Variants in INTS2 observed in about 807,000 individuals in gnomAD.
The protein encoded by INTS2 is integrator complex subunit 2, also known as KIAA1287.
INTS2 carries 57 observed loss-of-function variants against 139.6 expected under a neutral mutation model. The ratio of observed to expected loss-of-function variants is 0.41; its 90% CI spans 0.33 to 0.51. The LOEUF is 0.51. INTS2 is among the 20% of genes least tolerant of loss of function. INTS2 has a pLI of 0.28. For missense variants in INTS2, 1,196 were observed against 1,436.7 expected (o/e 0.83, Z 2.71); for synonymous variants, 473 against 493.4 (o/e 0.96, Z 0.55).
chr17:61,899,999 C>T (rs1001215730), intron 9 of INTS2, among the ~76,000 whole-genome samples: 2 of 151,634 alleles, frequency 1.3e-5, no homozygotes, highest in Non-Finnish European at 1.5e-5. Flanking sequence ...AGAAAGAATT[C>T]ATGTACCTAA....
rs1228657807 is a variant in INTS2, at chr17:61,921,748, T to A, written c.512A>T (p.Asp171Val). ...ACCTGCTTGTAAAATACAAAGTACA[T>A]CTGCAGCTTCCTCCAAATATACTGG... ...ESPVYLEEAA[D>V]VLCILQAELP... Residue 171 changes from aspartate (D) to valine (V), a missense_variant, in exon 4 of 25, where the codon GAT becomes GTT. By Grantham distance (152) the Asp-to-Val change is radical. This residue lies in a region of INTS2 where 1,129 missense variants were observed against 1,341.9 expected (regional missense o/e 0.84). Coordinates refer to ENST00000251334, the MANE Select transcript of INTS2 (RefSeq NM_001351695.2). 1 of 1,598,894 alleles carries A rather than the reference T, an allele frequency of 6.3e-7. No individual in the cohort carries two copies. The highest frequency in any genetic ancestry group is 1.1e-5 in the South Asian group (1 of 88,794).
intron 8 of INTS2, 80 bp from the exon 9 acceptor site, chr17:61,904,665 C>A: frequency 8.1e-7 from 1 of 1,240,564 alleles, no homozygotes; most frequent in Non-Finnish European, 1.1e-6. Context: ...CTTTTAGTTA[C>A]AAATTTTAAA....
chr17:61,893,624 G>C lies in INTS2; in HGVS notation c.1698+141C>G. 2.2e-6 allele frequency: 1 copy of C among 452,392 alleles called. No homozygotes were observed. Among genetic ancestry groups the C allele is most frequent in the Non-Finnish European group, 3.5e-6 (1 of 286,820 alleles). The allele number at this position is 452,392 out of a possible 1,614,324, so 28.0% of individuals were successfully genotyped here. Reference sequence around the variant, plus strand: ...GCAGGAGAATCACTTTAACCCAGGAGGCAGAGGTTACAGTGAGCCAAGACT... The same window carrying C: ...GCAGGAGAATCACTTTAACCCAGGACGCAGAGGTTACAGTGAGCCAAGACT... On this transcript the variant is annotated intron_variant, in intron 13 of 24. Coordinates refer to ENST00000251334, the MANE Select transcript of INTS2 (RefSeq NM_001351695.2). The surrounding 1 kb of genome is among the most constrained non-coding windows in gnomAD (Gnocchi z 5.4).
rs1043823713 is a variant in INTS2, at chr17:61,913,090, A to G, written c.650-1020T>C. On this transcript the variant is annotated intron_variant, in intron 5 of 24. Transcript: ENST00000251334. ...GACTCCATCTCCAAAAAAGAGAAAA[A>G]GTAACTAGAGCAGAGGATAGGCGCA... 4.6e-5 allele frequency among the ~76,000 whole-genome samples: 7 copies of G among 151,868 alleles called. No individual in the cohort carries two copies. In the East Asian group the frequency reaches 9.7e-4, roughly 21 times the overall value.
At chr17:61,885,836 C>G (rs2079222986) in intron 15 of INTS2, among the ~76,000 whole-genome samples, 1 of 146,376 alleles carries the variant, frequency 6.8e-6, no homozygotes, top group Non-Finnish European at 1.5e-5. Context: ...TCAAGTGATT[C>G]TCCTGCCTCA....
intron 7 of INTS2, among the ~76,000 whole-genome samples, chr17:61,908,373 C>A (rs1272740788): frequency 3.9e-5 from 6 of 152,132 alleles, no homozygotes; most frequent in Non-Finnish European, 5.9e-5. Context: ...CAAGATGGCG[C>A]CACTGCACTC....
chr17:61,889,657 G>A (rs1479011498), intron 15 of INTS2, 129 bp downstream of exon 15: 9 of 559,454 alleles, frequency 1.6e-5, no homozygotes, highest in Non-Finnish European at 2.9e-5. Context: ...TGCCCACATT[G>A]CAAAGATTAT....
At chr17:61,914,068 A>G (rs1567914894) in intron 5 of INTS2, among the ~76,000 whole-genome samples, 1 of 151,660 alleles carries the variant, frequency 6.6e-6, no homozygotes, top group Non-Finnish European at 1.5e-5. Context: ...CAGTCTAAAC[A>G]CTCCAATTAA....
Position 61,891,697 on chromosome 17 carries a change from A to C in INTS2, c.1699-8T>G. The C allele has an allele frequency of 6.3e-7, 1 of 1,595,658 alleles. No homozygotes were observed. The highest frequency in any genetic ancestry group is 2.2e-5 in the East Asian group (1 of 44,674). Reference sequence around the variant, plus strand: ...CTGTCTATAAATCCAATCCTAAGAAAGAATGTTATAGACACTGAATTAATT... The same window carrying C: ...CTGTCTATAAATCCAATCCTAAGAACGAATGTTATAGACACTGAATTAATT... On this transcript the variant is annotated splice_polypyrimidine_tract_variant and splice_region_variant and intron_variant, in intron 13 of 24. Coordinates refer to ENST00000251334, the MANE Select transcript of INTS2 (RefSeq NM_001351695.2).
rs1445793092 is a variant in INTS2, at chr17:61,869,731, A to G, written c.3030+6T>C. On this transcript the variant is annotated splice_donor_region_variant and intron_variant, in intron 21 of 24. Transcript: ENST00000251334. This position sits in a 1 kb window ranked among gnomAD's most constrained non-coding sequence, Gnocchi z 5.4. ...AAACACAAAGCATCATTCTTTGGAAACAGACCTGAAAGTGAACAAGCTTAG... is the reference window on the plus strand; with the variant it reads ...AAACACAAAGCATCATTCTTTGGAAGCAGACCTGAAAGTGAACAAGCTTAG... 4 of 1,611,072 alleles carry G rather than the reference A, an allele frequency of 2.5e-6. No individual in the cohort carries two copies. The highest frequency in any genetic ancestry group is 2.2e-5 in the South Asian group (2 of 90,930).
At chr17:61,884,505 A>G (rs562027262) in intron 16 of INTS2, among the ~76,000 whole-genome samples, 1 of 152,232 alleles carries the variant, frequency 6.6e-6, no homozygotes, top group East Asian at 1.9e-4. Context: ...AAACAAAAAC[A>G]AACAAACAAA....
rs914673766 is a variant in INTS2, at chr17:61,872,556, A to C, written c.2583-96T>G. 4 of 764,494 alleles carry C rather than the reference A, an allele frequency of 5.2e-6. No homozygotes were observed. Among genetic ancestry groups the C allele is most frequent in the Non-Finnish European group, 7.9e-6 (4 of 504,132 alleles). 47.4% of individuals were successfully genotyped at this position (764,494 alleles called of 1,614,324 possible). On this transcript the variant is annotated intron_variant, in intron 19 of 24. Coordinates refer to ENST00000251334, the MANE Select transcript of INTS2 (RefSeq NM_001351695.2). The surrounding 1 kb of genome is among the most constrained non-coding windows in gnomAD (Gnocchi z 4.8). ...TCAATTTAGTTTAAATGCTGAGAAAAACCTGAGTAGTACATACTAACTTTT... is the reference window on the plus strand; with the variant it reads ...TCAATTTAGTTTAAATGCTGAGAAACACCTGAGTAGTACATACTAACTTTT...
Position 61,875,533 on chromosome 17 carries a change from A to G in INTS2, c.2457-495T>C, listed in dbSNP as rs1368312279. On this transcript the variant is annotated intron_variant, in intron 18 of 24. Transcript: ENST00000251334. This position sits in a 1 kb window ranked among gnomAD's most constrained non-coding sequence, Gnocchi z 4.6. ...CTTTGAGATTAGACATTAATAGATT[A>G]TAAGTGGTTACTAAAATGACTGCAC... Among the ~76,000 whole-genome samples the G allele has an allele frequency of 1.3e-5, 2 of 152,234 alleles. No homozygotes were observed. Among genetic ancestry groups the G allele is most frequent in the East Asian group, 3.9e-4 (2 of 5,190 alleles).
intron 1 of INTS2, 49 bp downstream of exon 1, chr17:61,927,605 G>A: frequency 7.9e-7 from 1 of 1,259,768 alleles, no homozygotes; most frequent in African/African-American, 1.5e-5. Flanking sequence ...GCCAGGCTCC[G>A]ACACGGACCT....
intron 19 of INTS2, among the ~76,000 whole-genome samples, chr17:61,874,608 G>A (rs1056120922): frequency 2.0e-5 from 3 of 152,116 alleles, no homozygotes; most frequent in African/African-American, 7.2e-5. Context: ...TTTAATGTGA[G>A]AACAGAAATA....
rs2079127378 is a variant in INTS2 at position 61,876,438 on chromosome 17, T to A, written c.2457-1400A>T. ...TGAAGACAGAAAGCTCTGAAAGGAATGTCTCCAAGAAAAAAAAAATAGTGT... is the reference window on the plus strand; with the variant it reads ...TGAAGACAGAAAGCTCTGAAAGGAAAGTCTCCAAGAAAAAAAAAATAGTGT... On this transcript the variant is annotated intron_variant, in intron 18 of 24. Coordinates refer to ENST00000251334, the MANE Select transcript of INTS2 (RefSeq NM_001351695.2). The surrounding 1 kb of genome is among the most constrained non-coding windows in gnomAD (Gnocchi z 4.1). Among the ~76,000 whole-genome samples the A allele has an allele frequency of 1.3e-5, 2 of 150,974 alleles. No homozygotes were observed. The highest frequency in any genetic ancestry group is 4.9e-5 in the African/African-American group (2 of 41,144).
chr17:61,898,582 C>T (rs2145938873), intron 9 of INTS2, among the ~76,000 whole-genome samples: 2 of 152,110 alleles, frequency 1.3e-5, no homozygotes, highest in East Asian at 3.9e-4. Flanking sequence ...AGAGGTGAGC[C>T]ACCATGCCTA....
rs1277313219 is a variant in INTS2 at position 61,878,105 on chromosome 17, G to T, written c.2255-17C>A. 2.0e-6 allele frequency: 3 copies of T among 1,521,082 alleles called. No individual in the cohort carries two copies. The highest frequency in any genetic ancestry group is 1.1e-5 in the South Asian group (1 of 89,150). The allele number at this position is 1,521,082 out of a possible 1,614,324, so 94.2% of individuals were successfully genotyped here. On this transcript the variant is annotated splice_polypyrimidine_tract_variant and intron_variant, in intron 17 of 24. Coordinates refer to ENST00000251334, the MANE Select transcript of INTS2 (RefSeq NM_001351695.2). ...CTGAAAATGCTAAAAAGAAAATTTAGCAATCATAACCTAAATTCTGTACAG... is the reference window on the plus strand; with the variant it reads ...CTGAAAATGCTAAAAAGAAAATTTATCAATCATAACCTAAATTCTGTACAG...
chr17:61,899,010 A>C (rs1431121918), intron 9 of INTS2, among the ~76,000 whole-genome samples: 3 of 152,240 alleles, frequency 2.0e-5, no homozygotes, highest in African/African-American at 7.2e-5. Flanking sequence ...ATGCAACAAA[A>C]AGCAAATGAA....
Sources: allele counts gnomAD v4.1 joint callset (sites outside exome capture counted in the v4.1 genomes callset), GRCh38; gene constraint gnomAD v4.1.1; regional missense constraint gnomAD v4.1.1; non-coding constraint Gnocchi (gnomAD v3.1); transcripts MANE v1.5; gene names NCBI Gene and HGNC (gene_info 2026-07-23, HGNC 2026-07-21).